The following MAML1 variants were observed in gnomAD, a reference collection of about 807,000 sequenced individuals.
The protein encoded by MAML1 is mastermind-like protein 1.
A neutral mutation model predicts 77.1 loss-of-function variants in MAML1; 14 were observed. The observed-to-expected ratio is 0.18, with a 90% CI of 0.12 to 0.28. MAML1 has a LOEUF of 0.28. Among genes scored for constraint, MAML1 ranks in the 10% least tolerant of loss-of-function variants. The pLI is 1.00. For synonymous variants in MAML1, 516 were observed against 551.9 expected (o/e 0.93, Z 0.91); for missense variants, 1,217 against 1,327.8 (o/e 0.92, Z 1.30).
chr5:179,770,425 C>A (rs571224732), intron 3 of MAML1, among the ~76,000 whole-genome samples: 1 of 151,628 alleles, frequency 6.6e-6, no homozygotes, highest in Non-Finnish European at 1.5e-5. Context: ...CCAGCCTGGG[C>A]GACAGAGCAA....
Position 179,766,115 on chromosome 5 carries a change from C to A in MAML1, c.1105C>A (p.Gln369Lys). The A allele has an allele frequency of 6.3e-7, 1 of 1,578,372 alleles. No homozygotes were observed. The highest frequency in any genetic ancestry group is 1.2e-5 in the South Asian group (1 of 85,526). ...PSPNLMPASAQAQNAQRALAG... is the reference protein window; with the variant it reads ...PSPNLMPASAKAQNAQRALAG... The stretch of plus-strand genomic sequence containing the variant: ...TCCAAACCTGATGCCGGCATCAGCC[C>A]AGGCCCAGAACGCACAAAGAGCCCT... The change falls in exon 2 of 5, where the codon CAG (glutamine) becomes AAG (lysine). Residue 369 changes from glutamine (Q) to lysine (K), a missense_variant. By Grantham distance (53) the Gln-to-Lys change is moderately conservative. This residue lies in a region of MAML1 where 884 missense variants were observed against 949.3 expected (regional missense o/e 0.93). Coordinates refer to ENST00000292599, the MANE Select transcript of MAML1 (RefSeq NM_014757.5). The surrounding 1 kb of genome is among the most constrained non-coding windows in gnomAD (Gnocchi z 4.0).
rs1271498343 is a variant in MAML1 at position 179,752,337 on chromosome 5, A to AT, written c.316-12989_316-12988insT. Among the ~76,000 whole-genome samples, 996 of 110,652 alleles carry AT rather than the reference A, an allele frequency of 9.0e-3. 35 individuals carry two copies. Among genetic ancestry groups the AT allele is most frequent in the South Asian group, 0.03 (99 of 3,272 alleles). 72.6% of individuals were successfully genotyped at this position (110,652 alleles called of 152,430 possible). A position where few individuals can be genotyped will look rare whatever the true frequency, so the allele number is the denominator to read the frequency against. On this transcript the variant is annotated intron_variant, in intron 1 of 4. Coordinates refer to ENST00000292599, the MANE Select transcript of MAML1 (RefSeq NM_014757.5). ...TAGACTCTGTCTCCAAAAAAAAAAA[A>AT]AAAAAAAAAAAAAATATATATATAT...
At chr5:179,735,874 G>T (rs1057112723) in intron 1 of MAML1, among the ~76,000 whole-genome samples, 1 of 150,740 alleles carries the variant, frequency 6.6e-6, no homozygotes, top group Non-Finnish European at 1.5e-5. Context: ...TTTTAGTAGA[G>T]ACAGGGTTTC....
intron 1 of MAML1, among the ~76,000 whole-genome samples, chr5:179,759,242 T>C (rs1779681057): frequency 6.6e-6 from 1 of 152,158 alleles, no homozygotes; most frequent in Non-Finnish European, 1.5e-5. Flanking sequence ...AGGGAGTCTG[T>C]CGGCAGCAGA....
chr5:179,748,165 C>T (rs1779418021), intron 1 of MAML1, among the ~76,000 whole-genome samples: 1 of 152,168 alleles, frequency 6.6e-6, no homozygotes, highest in African/African-American at 2.4e-5. Flanking sequence ...TCACTGCAGC[C>T]TCTACCTCCT....
chr5:179,764,682 C>T (rs1050810219), intron 1 of MAML1, among the ~76,000 whole-genome samples: 3 of 151,366 alleles, frequency 2.0e-5, no homozygotes, highest in African/African-American at 7.3e-5. Context: ...AAGTGAGGGG[C>T]TGGGCACAGT....
At chr5:179,749,802 A>T (rs1779451952) in intron 1 of MAML1, among the ~76,000 whole-genome samples, 1 of 152,092 alleles carries the variant, frequency 6.6e-6, no homozygotes, top group Non-Finnish European at 1.5e-5. Context: ...CAACCCACCG[A>T]GAGGTGAAGG....
chr5:179,766,821 A>T lies in MAML1; in HGVS notation c.1731+80A>T, dbSNP rs1012115219. ...ACTCACTACTTTGGATGTTAATTGG[A>T]TCCGAGGTAGTTGTGGGAAGAGGGA... On this transcript the variant is annotated intron_variant, in intron 2 of 4. Transcript: ENST00000292599. This position sits in a 1 kb window ranked among gnomAD's most constrained non-coding sequence, Gnocchi z 4.0. 13 of 1,214,472 alleles carry T rather than the reference A, an allele frequency of 1.1e-5. No individual in the cohort carries two copies. The highest frequency in any genetic ancestry group is 1.5e-5 in the Non-Finnish European group (13 of 890,482). 75.2% of individuals were successfully genotyped at this position (1,214,472 alleles called of 1,614,324 possible).
At chr5:179,737,701 C>G (rs1247989735) in intron 1 of MAML1, among the ~76,000 whole-genome samples, 1 of 115,206 alleles carries the variant, frequency 8.7e-6, no homozygotes, top group Non-Finnish European at 2.1e-5. Flanking sequence ...CCCACCACAG[C>G]GAAGTCTTAG....
intron 1 of MAML1, among the ~76,000 whole-genome samples, chr5:179,752,862 C>T (rs904884356): frequency 2.0e-5 from 3 of 152,160 alleles, no homozygotes; most frequent in Admixed American, 1.3e-4. Context: ...CAACCACCAT[C>T]TTCCAGATTC....
chr5:179,753,924 G>A (rs974791495), intron 1 of MAML1, among the ~76,000 whole-genome samples: 7 of 151,736 alleles, frequency 4.6e-5, no homozygotes, highest in South Asian at 4.2e-4. Context: ...CACCCACCTC[G>A]GCCTCCCAAA....
Position 179,733,151 on chromosome 5 carries a change from G to A in MAML1, c.39G>A (p.Leu13=). ...CCTGCCCCATGGCGGAGTTCGCGCT[G>A]CCGCGGCACAGCGCGGTCATGGAGC... ...LPTCPMAEFA[L]PRHSAVMERL... is the part of the protein sequence containing the mutation. Residue 13 remains leucine, a synonymous_variant, in exon 1 of 5, where the codon CTG becomes CTA. Transcript: ENST00000292599. 2.1e-6 allele frequency: 3 copies of A among 1,454,136 alleles called. No individual in the cohort carries two copies. Among genetic ancestry groups the A allele is most frequent in the Non-Finnish European group, 1.8e-6 (2 of 1,106,242 alleles). The allele number at this position is 1,454,136 out of a possible 1,614,324, so 90.1% of individuals were successfully genotyped here.
intron 3 of MAML1, chr5:179,770,844 T>C: frequency 3.6e-6 from 1 of 280,908 alleles, no homozygotes; most frequent in Non-Finnish European, 7.0e-6. Flanking sequence ...ACCAACCACT[T>C]GTTATCATCT....
At chr5:179,748,397 T>C (rs1304788895) in intron 1 of MAML1, among the ~76,000 whole-genome samples, 1 of 146,830 alleles carries the variant, frequency 6.8e-6, no homozygotes, top group Non-Finnish European at 1.5e-5. Context: ...CTGTATACTT[T>C]AAAAAGTTAA....
chr5:179,745,453 C>T (rs1040806884), intron 1 of MAML1, among the ~76,000 whole-genome samples: 5 of 151,930 alleles, frequency 3.3e-5, no homozygotes, highest in South Asian at 2.1e-4. Flanking sequence ...CGGTGGCTCA[C>T]GCCTGTAATC....
intron 1 of MAML1, among the ~76,000 whole-genome samples, chr5:179,735,177 T>TA (rs753533601): frequency 2.3e-3 from 354 of 152,072 alleles, no homozygotes; most frequent in Non-Finnish European, 3.9e-3. Flanking sequence ...AGTATGATAA[T>TA]AATAAATAAA....
rs562541563 is a variant in MAML1 at position 179,766,217 on chromosome 5, G to T, written c.1207G>T (p.Ala403Ser). The change falls in exon 2 of 5, where the codon GCT (alanine) becomes TCT (serine). Residue 403 changes from alanine to serine, a missense_variant. Physicochemically the swap from Ala to Ser is moderately conservative, Grantham distance 99. This residue lies in a region of MAML1 where 884 missense variants were observed against 949.3 expected (regional missense o/e 0.93). Coordinates refer to ENST00000292599, the MANE Select transcript of MAML1 (RefSeq NM_014757.5). The surrounding 1 kb of genome is among the most constrained non-coding windows in gnomAD (Gnocchi z 4.0). Reference sequence around the variant, plus strand: ...CTCTGCCCACCAGCTCCAGCAGATCGCTGCCAAGCAGAAGCGCGAGCAGAT... The same window carrying T: ...CTCTGCCCACCAGCTCCAGCAGATCTCTGCCAAGCAGAAGCGCGAGCAGAT... ...LSSAHQLQQI[A>S]AKQKREQMLQ... The T allele has an allele frequency of 1.9e-6, 3 of 1,612,658 alleles. No homozygotes were observed. Among genetic ancestry groups the T allele is most frequent in the Admixed American group, 3.3e-5 (2 of 59,848 alleles).
intron 1 of MAML1, among the ~76,000 whole-genome samples, chr5:179,756,640 A>G (rs1302431772): frequency 6.6e-6 from 1 of 152,148 alleles, no homozygotes; most frequent in Admixed American, 6.6e-5. Flanking sequence ...GACACTTAAA[A>G]TGGTGCAGAT....
chr5:179,774,792 A>G lies in MAML1; in HGVS notation c.2966A>G (p.His989Arg), dbSNP rs1756098136. The change falls in exon 5 of 5, where the codon CAC (histidine) becomes CGC (arginine). Residue 989 changes from histidine to arginine, a missense_variant. This residue lies in a region of MAML1 where 884 missense variants were observed against 949.3 expected (regional missense o/e 0.93). Coordinates refer to ENST00000292599, the MANE Select transcript of MAML1 (RefSeq NM_014757.5). ...GGSGLSSVAG[H>R]TDLIDSLLKN... is the part of the protein sequence containing the mutation. Reference sequence around the variant, plus strand: ...AGTGGGCTCTCTAGTGTGGCTGGACACACCGATCTGATCGACTCCCTGCTG... The same window carrying G: ...AGTGGGCTCTCTAGTGTGGCTGGACGCACCGATCTGATCGACTCCCTGCTG... 6.2e-7 allele frequency: 1 copy of G among 1,613,912 alleles called. No homozygotes were observed. Among genetic ancestry groups the G allele is most frequent in the Non-Finnish European group, 8.5e-7 (1 of 1,180,024 alleles).
Sources: gnomAD v4.1 joint callset for allele counts (sites outside exome capture counted in the v4.1 genomes callset) on GRCh38, gnomAD v4.1.1 for gene constraint, gnomAD v4.1.1 regional missense constraint, Gnocchi (gnomAD v3.1) non-coding constraint, MANE v1.5 for transcripts, NCBI Gene and HGNC (gene_info 2026-07-23, HGNC 2026-07-21) for gene names.